The following MEGF10 variants were observed in gnomAD, a reference collection of about 807,000 sequenced individuals.
MEGF10 encodes multiple EGF like domains 10, also known as multiple epidermal growth factor-like domains protein 10.
A neutral mutation model predicts 147.5 loss-of-function variants in MEGF10; 86 were observed. The observed-to-expected ratio is 0.58, with a 90% confidence interval of 0.49 to 0.70. MEGF10 has a LOEUF of 0.70. Ranked by LOEUF, MEGF10 falls within the 30% of genes least tolerant of loss-of-function variation. The pLI is 0.00. For missense variants in MEGF10, 1,329 were observed against 1,487.3 expected (o/e 0.89, Z 1.75); for synonymous variants, 478 against 525.5 (o/e 0.91, Z 1.24).
chr5:127,286,278 G>A (rs755794692), upstream of MEGF10, among the ~76,000 whole-genome samples: 1 of 152,022 alleles, frequency 6.6e-6, no homozygotes, highest in Non-Finnish European at 1.5e-5. Flanking sequence ...GCAGCCATGT[G>A]TTGTAATTTC....
intron 1 of MEGF10, among the ~76,000 whole-genome samples, chr5:127,317,890 CT>C (rs1016180700): frequency 1.3e-4 from 20 of 151,602 alleles, no homozygotes; most frequent in African/African-American, 4.9e-4. Context: ...CCCCCTAGAA[CT>C]TAAAGTGTAA....
intron 4 of MEGF10, among the ~76,000 whole-genome samples, chr5:127,345,073 C>G (rs1331642242): frequency 6.6e-6 from 1 of 152,164 alleles, no homozygotes; most frequent in Non-Finnish European, 1.5e-5. Context: ...GTTAGTCTTT[C>G]ATGTAGATTC....
intron 23 of MEGF10, 82 bp downstream of exon 23, chr5:127,454,692 G>T: frequency 1.6e-6 from 2 of 1,238,968 alleles, no homozygotes; most frequent in South Asian, 2.8e-5. Flanking sequence ...TTTTAAACAA[G>T]CTAGAATGGC....
chr5:127,235,865 A>G, the MEGF10 span, among the ~76,000 whole-genome samples: 2 of 152,238 alleles, frequency 1.3e-5, no homozygotes, highest in South Asian at 4.1e-4. Context: ...TTAATTTTAT[A>G]TCTAAATAAC....
At chr5:127,275,924 C>A in the MEGF10 span, among the ~76,000 whole-genome samples, 11 of 152,056 alleles carry the variant, frequency 7.2e-5, no homozygotes, top group Non-Finnish European at 1.3e-4. Context: ...GTTTCACTCA[C>A]CAATTGGTTA....
intron 1 of MEGF10, among the ~76,000 whole-genome samples, chr5:127,294,331 A>G (rs1227517826): frequency 1.3e-5 from 2 of 152,210 alleles, no homozygotes; most frequent in African/African-American, 4.8e-5. Context: ...TGGCTGGCCC[A>G]TAGTAGTTAT....
the MEGF10 span, among the ~76,000 whole-genome samples, chr5:127,273,313 G>T: frequency 2.0e-5 from 3 of 152,164 alleles, no homozygotes; most frequent in Non-Finnish European, 4.4e-5. Context: ...GCTCAATGTT[G>T]CTCTTGGGTG....
At chr5:127,330,053 T>C (rs1354516878) in intron 1 of MEGF10, among the ~76,000 whole-genome samples, 1 of 152,146 alleles carries the variant, frequency 6.6e-6, no homozygotes, top group Non-Finnish European at 1.5e-5. Flanking sequence ...GAGGAGGGCT[T>C]CTATGAGTCC....
chr5:127,399,642 G>C (rs10519939), intron 7 of MEGF10, among the ~76,000 whole-genome samples: 3,060 of 152,212 alleles, frequency 0.02, 150 homozygotes, highest in Admixed American at 0.12. Context: ...AAACCCTTCT[G>C]TTCTCATTCA....
chr5:127,430,501 A>G (rs1186405841), intron 13 of MEGF10, among the ~76,000 whole-genome samples: 1 of 152,000 alleles, frequency 6.6e-6, no homozygotes, highest in Non-Finnish European at 1.5e-5. Context: ...CTTACCCAAC[A>G]CTCTCTTAGT....
At chr5:127,400,371 A>C (rs1764079707) in intron 7 of MEGF10, among the ~76,000 whole-genome samples, 1 of 152,188 alleles carries the variant, frequency 6.6e-6, no homozygotes, top group Non-Finnish European at 1.5e-5. Flanking sequence ...CAATGATAAT[A>C]AATTTAATAA....
At chr5:127,454,095 AGTATT>A (rs1766263995) in intron 22 of MEGF10, among the ~76,000 whole-genome samples, 1 of 152,226 alleles carries the variant, frequency 6.6e-6, no homozygotes, top group Non-Finnish European at 1.5e-5. Flanking sequence ...TCACCTGTAA[AGTATT>A]AGTCAACAGT....
At chr5:127,431,013 G>A (rs185866399) in intron 13 of MEGF10, among the ~76,000 whole-genome samples, 14 of 152,292 alleles carry the variant, frequency 9.2e-5, no homozygotes, top group African/African-American at 3.4e-4. Context: ...GACACAGAAG[G>A]TTTGATCAAT....
the MEGF10 span, among the ~76,000 whole-genome samples, chr5:127,258,999 G>C: frequency 6.6e-6 from 1 of 152,178 alleles, no homozygotes; most frequent in Non-Finnish European, 1.5e-5. Context: ...GAATGGCTGA[G>C]GGTGCCACAG....
intron 4 of MEGF10, among the ~76,000 whole-genome samples, chr5:127,345,197 A>G (rs1221614117): frequency 6.6e-6 from 1 of 152,146 alleles, no homozygotes; most frequent in East Asian, 1.9e-4. Flanking sequence ...CTTGGAGAAA[A>G]AACTCTAGTT....
intron 1 of MEGF10, among the ~76,000 whole-genome samples, chr5:127,308,642 T>C (rs2126730045): frequency 6.6e-6 from 1 of 150,396 alleles, no homozygotes; most frequent in South Asian, 2.1e-4. Context: ...ATGTTCTCAC[T>C]CATAGGTGGG....
At chr5:127,427,626 A>G (rs1422612611) in intron 13 of MEGF10, among the ~76,000 whole-genome samples, 1 of 152,048 alleles carries the variant, frequency 6.6e-6, no homozygotes, top group Non-Finnish European at 1.5e-5. Context: ...TCCCTCCACA[A>G]GGAAAGCTCT....
At chr5:127,238,539 T>C in the MEGF10 span, among the ~76,000 whole-genome samples, 1 of 152,196 alleles carries the variant, frequency 6.6e-6, no homozygotes. Context: ...AAGAGTTCTG[T>C]GACATCCCAT....
At chr5:127,267,574 C>T in the MEGF10 span, among the ~76,000 whole-genome samples, 2 of 152,056 alleles carry the variant, frequency 1.3e-5, no homozygotes, top group African/African-American at 4.8e-5. Context: ...GGTTGGTAGG[C>T]TATTAATTAT....
Sources: allele counts gnomAD v4.1 joint callset (sites outside exome capture counted in the v4.1 genomes callset), GRCh38; gene constraint gnomAD v4.1.1; transcripts MANE v1.5; gene names NCBI Gene and HGNC (gene_info 2026-07-23, HGNC 2026-07-21).